Variants in XPO6 observed in about 807,000 individuals in gnomAD.
XPO6 encodes the protein exportin-6.
A neutral mutation model predicts 130.0 loss-of-function variants in XPO6; 3 were observed. The ratio of observed to expected loss-of-function variants is 0.02; its 90% CI spans 0.01 to 0.06. The LOEUF is 0.06. Ranked by LOEUF, XPO6 falls within the 10% of genes least tolerant of loss-of-function variation. The pLI is 1.00. For missense variants in XPO6, 970 were observed against 1,393.0 expected (o/e 0.70, Z 4.83); for synonymous variants, 524 against 548.9 (o/e 0.95, Z 0.63).
At chr16:28,203,052 G>A (rs2043975974) in intron 1 of XPO6, among the ~76,000 whole-genome samples, 1 of 152,200 alleles carries the variant, frequency 6.6e-6, no homozygotes. Flanking sequence ...GAGGCCGGAG[G>A]ATCACTTGAG....
Position 28,100,966 on chromosome 16 carries a change from A to T in XPO6, c.3276+492T>A, listed in dbSNP as rs1567587151. The stretch of plus-strand genomic sequence containing the variant: ...AGGGCTCCTCCCAGGACCTGGCAGC[A>T]ACTCAGCCCAAGCTGAGCTGGGGCT... On this transcript the variant is annotated intron_variant, in intron 23 of 23. Coordinates refer to ENST00000304658, the MANE Select transcript of XPO6 (RefSeq NM_015171.4). 4 of 224,234 alleles carry T rather than the reference A, an allele frequency of 1.8e-5. No individual in the cohort carries two copies. In the East Asian group the frequency reaches 4.8e-4, roughly 27 times the overall value. The allele number at this position is 224,234 out of a possible 1,614,324, so 13.9% of individuals were successfully genotyped here.
In XPO6 at chr16:28,200,877, G is replaced by A. The variant is rs554159692; in HGVS notation, c.3+10489C>T. On this transcript the variant is annotated intron_variant, in intron 1 of 23. Transcript: ENST00000304658. ...AGAGATTAAATCAAATACCCTACGC[G>A]GTATGCATGAGGGCCCCTTAACGAC... Among the ~76,000 whole-genome samples the A allele has an allele frequency of 7.2e-5, 11 of 152,070 alleles. No homozygotes were observed. The South Asian group carries it at 1.7e-3, about 23-fold the overall frequency.
At chr16:28,139,019 C>T (rs1567615491) in intron 9 of XPO6, among the ~76,000 whole-genome samples, 1 of 152,158 alleles carries the variant, frequency 6.6e-6, no homozygotes. Flanking sequence ...CCATGAGGTT[C>T]CTCTATGGTC....
chr16:28,209,767 A>G (rs576742711), intron 1 of XPO6, among the ~76,000 whole-genome samples: 2 of 152,240 alleles, frequency 1.3e-5, no homozygotes, highest in Non-Finnish European at 2.9e-5. Flanking sequence ...CCTATCCCCA[A>G]ATTTCATAGT....
chr16:28,181,806 C>T (rs756560255), intron 1 of XPO6, among the ~76,000 whole-genome samples: 2 of 152,136 alleles, frequency 1.3e-5, no homozygotes, highest in Admixed American at 6.5e-5. Context: ...TCAAAATTAG[C>T]TCCTGTAAAC....
chr16:28,203,257 C>T lies in XPO6; in HGVS notation c.3+8109G>A, dbSNP rs1245430967. On this transcript the variant is annotated intron_variant, in intron 1 of 23. Transcript: ENST00000304658. ...CTCCACTGCACACCAGCCTGGGCGA[C>T]GGAGTAAGACCCCATCTCAAAAAAA... Among the ~76,000 whole-genome samples, 7 of 145,680 alleles carry T rather than the reference C, an allele frequency of 4.8e-5. No homozygotes were observed. In the East Asian group the frequency reaches 1.0e-3, roughly 21 times the overall value.
At chr16:28,158,909 G>A (rs1362248160) in intron 6 of XPO6, among the ~76,000 whole-genome samples, 2 of 152,102 alleles carry the variant, frequency 1.3e-5, no homozygotes, top group Non-Finnish European at 2.9e-5. Context: ...TTATTTTAGA[G>A]AAGACAAAAG....
intron 6 of XPO6, among the ~76,000 whole-genome samples, chr16:28,164,649 T>G (rs1245413837): frequency 6.6e-6 from 1 of 152,200 alleles, no homozygotes; most frequent in Non-Finnish European, 1.5e-5. Flanking sequence ...TACAAGCAAA[T>G]GTCAAGTTAG....
At position 28,211,710 on chromosome 16, in the gene XPO6, G is replaced by A; in HGVS notation, c.-342C>T. On this transcript the variant is annotated 5_prime_UTR_variant, in exon 1 of 24. Coordinates refer to ENST00000304658, the MANE Select transcript of XPO6 (RefSeq NM_015171.4). ...GGGGAGGCTGCGGGCCCAGGCAGGGGCTCCCCGGCCTCCGCGGGCAGAGGT... is the reference window on the plus strand; with the variant it reads ...GGGGAGGCTGCGGGCCCAGGCAGGGACTCCCCGGCCTCCGCGGGCAGAGGT... 1.8e-5 allele frequency: 7 copies of A among 382,846 alleles called. No homozygotes were observed. Among genetic ancestry groups the A allele is most frequent in the Non-Finnish European group, 2.8e-5 (6 of 216,336 alleles). 23.7% of individuals were successfully genotyped at this position (382,846 alleles called of 1,614,324 possible).
chr16:28,155,931 C>G, intron 7 of XPO6, 143 bp downstream of exon 7: 2 of 1,422,200 alleles, frequency 1.4e-6, no homozygotes, highest in Non-Finnish European at 1.8e-6. Flanking sequence ...CTCAGACTTA[C>G]TGGCACACAC....
At chr16:28,135,350 T>C (rs745577025) in intron 9 of XPO6, 26 bp from the exon 10 acceptor site, 33 of 1,598,142 alleles carry the variant, frequency 2.1e-5, no homozygotes, top group East Asian at 2.0e-4. Flanking sequence ...AAATTCAACA[T>C]TGAAAGGAGG....
intron 8 of XPO6, among the ~76,000 whole-genome samples, chr16:28,152,089 T>TGTGTGTAC (rs985127009): frequency 3.3e-5 from 5 of 151,918 alleles, no homozygotes; most frequent in Non-Finnish European, 5.9e-5. Flanking sequence ...TGTGTGTGTG[T>TGTGTGTAC]ACACACACAT....
At chr16:28,105,035 T>TA (rs1362218386) in intron 20 of XPO6, among the ~76,000 whole-genome samples, 1 of 152,232 alleles carries the variant, frequency 6.6e-6, no homozygotes, top group Non-Finnish European at 1.5e-5. Flanking sequence ...AGAAAAAAGC[T>TA]ACCAAGTGGA....
intron 1 of XPO6, among the ~76,000 whole-genome samples, chr16:28,200,648 C>A (rs2043940351): frequency 6.6e-6 from 1 of 152,046 alleles, no homozygotes; most frequent in Non-Finnish European, 1.5e-5. Context: ...GGAGTTGGAA[C>A]CTTAGAACTG....
chr16:28,204,418 A>T (rs754288618), intron 1 of XPO6, among the ~76,000 whole-genome samples: 1 of 151,914 alleles, frequency 6.6e-6, no homozygotes, highest in Non-Finnish European at 1.5e-5. Context: ...CAGGGAGAGC[A>T]CGGTCCAAGC....
chr16:28,173,452 G>A (rs1241579906), intron 4 of XPO6, among the ~76,000 whole-genome samples: 1 of 152,136 alleles, frequency 6.6e-6, no homozygotes, highest in Non-Finnish European at 1.5e-5. Context: ...AAAATCAAAG[G>A]GGACTTTAGG....
At position 28,105,911 on chromosome 16, in the gene XPO6, G is replaced by A; in HGVS notation, c.2784+132C>T. 2.2e-6 allele frequency: 3 copies of A among 1,368,518 alleles called. No individual in the cohort carries two copies. The South Asian group carries it at 4.1e-5, about 19-fold the overall frequency. The allele number at this position is 1,368,518 out of a possible 1,614,324, so 84.8% of individuals were successfully genotyped here. A position where few individuals can be genotyped will look rare whatever the true frequency, so the allele number is the denominator to read the frequency against. Reference sequence around the variant, plus strand: ...CACACCACTAAAGGCCTTCTTCCTTGGGAGAAACTACTTTACAAGCATATT... The same window carrying A: ...CACACCACTAAAGGCCTTCTTCCTTAGGAGAAACTACTTTACAAGCATATT... On this transcript the variant is annotated intron_variant, in intron 20 of 23. Coordinates refer to ENST00000304658, the MANE Select transcript of XPO6 (RefSeq NM_015171.4).
intron 23 of XPO6, among the ~76,000 whole-genome samples, chr16:28,100,595 G>A (rs750762338): frequency 3.9e-5 from 6 of 152,208 alleles, no homozygotes; most frequent in South Asian, 4.1e-4. Context: ...CGGTGGAGCC[G>A]TGGACAAGCT....
intron 1 of XPO6, among the ~76,000 whole-genome samples, chr16:28,184,599 T>TAA (rs775780148): frequency 1.3e-4 from 13 of 99,260 alleles, no homozygotes; most frequent in East Asian, 5.7e-4. Context: ...AACAAATCAG[T>TAA]AAAAAAAAAA....
Sources: allele counts gnomAD v4.1 joint callset (sites outside exome capture counted in the v4.1 genomes callset), GRCh38; gene constraint gnomAD v4.1.1; transcripts MANE v1.5; gene names NCBI Gene and HGNC (gene_info 2026-07-23, HGNC 2026-07-21).